FOXP1: variants seen among roughly 807,000 people sequenced by gnomAD.
FOXP1 encodes forkhead box P1, also known as forkhead box protein P1.
Under a neutral mutation model 98.2 loss-of-function variants are expected in FOXP1, and 15 were observed. That is an observed-to-expected ratio of 0.15 (90% confidence interval 0.10 to 0.24). FOXP1 has a LOEUF of 0.24. Among genes scored for constraint, FOXP1 ranks in the 10% least tolerant of loss-of-function variants. FOXP1 has a pLI of 1.00. For missense variants in FOXP1, 633 were observed against 848.5 expected (o/e 0.75, Z 3.15); for synonymous variants, 371 against 314.5 (o/e 1.18, Z -1.90).
At chr3:71,563,280 G>A (rs150992593) in intron 2 of FOXP1, among the ~76,000 whole-genome samples, 1 of 152,150 alleles carries the variant, frequency 6.6e-6, no homozygotes, top group African/African-American at 2.4e-5. Context: ...ACATAGATGG[G>A]CATCTTGTAC....
At chr3:71,065,826 TGAG>T (rs2052416410) in intron 7 of FOXP1, 1 of 152,182 alleles carries the variant, frequency 6.6e-6, no homozygotes, top group African/African-American at 2.4e-5. Flanking sequence ...TATTGAAAGC[TGAG>T]TATAGTGTTT....
At chr3:71,342,422 C>T (rs1046190352) in intron 4 of FOXP1, among the ~76,000 whole-genome samples, 1 of 152,174 alleles carries the variant, frequency 6.6e-6, no homozygotes, top group African/African-American at 2.4e-5. Flanking sequence ...GTAATCCCAG[C>T]ACTTTGAGAG....
At chr3:71,522,082 T>A (rs1371309401) in intron 2 of FOXP1, among the ~76,000 whole-genome samples, 1 of 152,112 alleles carries the variant, frequency 6.6e-6, no homozygotes, top group Non-Finnish European at 1.5e-5. Flanking sequence ...AACAGCCACA[T>A]ACAAACATCC....
intron 11 of FOXP1, among the ~76,000 whole-genome samples, chr3:71,022,843 T>C (rs1056599509): frequency 2.0e-5 from 3 of 152,154 alleles, no homozygotes; most frequent in African/African-American, 7.2e-5. Flanking sequence ...CAGGCACCAA[T>C]GGCACATCCT....
chr3:71,139,991 G>A (rs188135151), intron 6 of FOXP1, among the ~76,000 whole-genome samples: 2 of 152,160 alleles, frequency 1.3e-5, no homozygotes, highest in Admixed American at 6.5e-5. Flanking sequence ...TATGCAGAAC[G>A]TGTTTATTTC....
At chr3:71,053,797 TAGGAAGCC>T (rs1559826015) in intron 7 of FOXP1, 24 bp from the exon 8 acceptor site, 1 of 1,613,594 alleles carries the variant, frequency 6.2e-7, no homozygotes, top group African/African-American at 1.3e-5. Flanking sequence ...GAAGGATAAA[TAGGAAGCC>T]AGGAAATCAG....
intron 2 of FOXP1, among the ~76,000 whole-genome samples, chr3:71,577,203 C>CT (rs2107848393): frequency 6.6e-6 from 1 of 152,280 alleles, no homozygotes; most frequent in South Asian, 2.1e-4. Flanking sequence ...AGAACACTGT[C>CT]TAATTGTCTT....
intron 4 of FOXP1, among the ~76,000 whole-genome samples, chr3:71,303,665 T>C (rs1255705295): frequency 6.6e-6 from 1 of 151,840 alleles, no homozygotes; most frequent in South Asian, 2.1e-4. Flanking sequence ...GTGAAGAAAA[T>C]CTACTCCAAA....
intron 6 of FOXP1, among the ~76,000 whole-genome samples, chr3:71,186,637 G>C (rs527343029): frequency 1.1e-3 from 171 of 152,326 alleles, no homozygotes; most frequent in Middle Eastern, 3.4e-3. Context: ...CTTGAACCCG[G>C]GAGGTGGAGG....
At position 70,955,614 on chromosome 3, in the gene FOXP1, C is replaced by T. The variant is rs995122959; in HGVS notation, c.*3633G>A. On this transcript the variant is annotated 3_prime_UTR_variant, in exon 21 of 21. Coordinates refer to ENST00000649528, the MANE Select transcript of FOXP1 (RefSeq NM_001349338.3). The stretch of plus-strand genomic sequence containing the variant: ...AAAGTTCAATAGTTTTGACACTCCC[C>T]ATTGTTAATCACTACTTCACTGATA... 8.6e-6 allele frequency: 2 copies of T among 233,158 alleles called. No individual in the cohort carries two copies. Among genetic ancestry groups the T allele is most frequent in the Non-Finnish European group, 1.7e-5 (2 of 117,982 alleles). 14.4% of individuals were successfully genotyped at this position (233,158 alleles called of 1,614,324 possible).
At chr3:71,284,090 T>C (rs1390170327) in intron 5 of FOXP1, among the ~76,000 whole-genome samples, 2 of 152,114 alleles carry the variant, frequency 1.3e-5, no homozygotes, top group African/African-American at 2.4e-5. Flanking sequence ...TTTTCTCCTA[T>C]GATTAAACAA....
At chr3:71,288,012 C>A (rs985018232) in intron 5 of FOXP1, among the ~76,000 whole-genome samples, 1 of 152,052 alleles carries the variant, frequency 6.6e-6, no homozygotes, top group African/African-American at 2.4e-5. Flanking sequence ...TCCTGAGTAG[C>A]TGGGATTACA....
intron 4 of FOXP1, among the ~76,000 whole-genome samples, chr3:71,357,503 A>G (rs1287312466): frequency 6.6e-6 from 1 of 152,248 alleles, no homozygotes; most frequent in African/African-American, 2.4e-5. Context: ...AAAAGTAACC[A>G]TAATGGTTGC....
intron 6 of FOXP1, among the ~76,000 whole-genome samples, chr3:71,197,401 T>C (rs955697493): frequency 6.6e-6 from 1 of 152,192 alleles, no homozygotes; most frequent in African/African-American, 2.4e-5. Flanking sequence ...TGTTTACTTA[T>C]TTGAATATTT....
At chr3:71,133,091 G>A (rs1291089394) in intron 6 of FOXP1, among the ~76,000 whole-genome samples, 1 of 151,998 alleles carries the variant, frequency 6.6e-6, no homozygotes, top group African/African-American at 2.4e-5. Context: ...AACACAGAAA[G>A]GTTTGCCGTG....
intron 6 of FOXP1, among the ~76,000 whole-genome samples, chr3:71,116,662 T>C (rs1223743078): frequency 6.6e-6 from 1 of 152,224 alleles, no homozygotes; most frequent in Non-Finnish European, 1.5e-5. Context: ...TTGCCTTAGG[T>C]CTCAGCAGGA....
intron 6 of FOXP1, among the ~76,000 whole-genome samples, chr3:71,118,577 C>T (rs936864764): frequency 6.6e-6 from 1 of 152,086 alleles, no homozygotes; most frequent in African/African-American, 2.4e-5. Context: ...TCTGAGATAA[C>T]CAACTGACAC....
At chr3:71,359,912 C>T (rs570079168) in intron 3 of FOXP1, among the ~76,000 whole-genome samples, 3 of 152,260 alleles carry the variant, frequency 2.0e-5, no homozygotes, top group Non-Finnish European at 2.9e-5. Flanking sequence ...CCTGCCGCAG[C>T]CTCCCGAGTA....
At chr3:71,463,778 T>A (rs142740350) in intron 3 of FOXP1, among the ~76,000 whole-genome samples, 1 of 152,164 alleles carries the variant, frequency 6.6e-6, no homozygotes, top group Non-Finnish European at 1.5e-5. Flanking sequence ...CTGGAGGTTT[T>A]GTCTGGCTAC....
Sources: allele counts gnomAD v4.1 joint callset (sites outside exome capture counted in the v4.1 genomes callset), GRCh38; gene constraint gnomAD v4.1.1; transcripts MANE v1.5; gene names NCBI Gene and HGNC (gene_info 2026-07-23, HGNC 2026-07-21).